Variants in ZNF704 observed in about 807,000 individuals in gnomAD.
ZNF704 encodes the protein glucocorticoid induced gene 1.
ZNF704 carries 10 observed loss-of-function variants against 44.7 expected under a neutral mutation model. The ratio of observed to expected loss-of-function variants is 0.22; its 90% confidence interval spans 0.14 to 0.38. ZNF704 has a LOEUF of 0.38. Ranked by LOEUF, ZNF704 falls within the 10% of genes least tolerant of loss-of-function variation. The pLI is 1.00. For missense variants in ZNF704, 390 were observed against 545.5 expected, an observed-to-expected ratio of 0.71 and a Z score of 2.84; for synonymous variants, 211 against 207.6, an observed-to-expected ratio of 1.02 and a Z score of -0.14.
chr8:80,871,562 A>G (rs949354250), intron 1 of ZNF704, among the ~76,000 whole-genome samples: 9 of 152,228 alleles, frequency 5.9e-5, no homozygotes, highest in Non-Finnish European at 1.0e-4. Flanking sequence ...TTATGCATGT[A>G]CATCTGCATC....
chr8:80,802,266 G>T (rs1457344285), intron 2 of ZNF704, among the ~76,000 whole-genome samples: 1 of 149,572 alleles, frequency 6.7e-6, no homozygotes, highest in Non-Finnish European at 1.5e-5. Context: ...ACAAAGAAGA[G>T]CTGGTACTAT....
chr8:80,650,267 A>G (rs920303384), intron 7 of ZNF704, among the ~76,000 whole-genome samples: 2 of 152,206 alleles, frequency 1.3e-5, no homozygotes, highest in Non-Finnish European at 2.9e-5. Flanking sequence ...TCCTCCTCCA[A>G]AGGAACGCAG....
At chr8:80,831,354 G>C (rs778561046) in intron 1 of ZNF704, among the ~76,000 whole-genome samples, 4 of 152,118 alleles carry the variant, frequency 2.6e-5, no homozygotes, top group African/African-American at 9.7e-5. Flanking sequence ...TGTCCAAATA[G>C]GGTGCTTTTA....
intron 2 of ZNF704, among the ~76,000 whole-genome samples, chr8:80,701,457 A>C (rs992420102): frequency 1.3e-4 from 20 of 151,694 alleles, no homozygotes; most frequent in African/African-American, 4.8e-4. Flanking sequence ...TTCTTGCTTC[A>C]GTCTCGCAGG....
In ZNF704 at chr8:80,643,028, G is replaced by A; in HGVS notation, c.1127+7C>T. 1 of 1,568,548 alleles carries A rather than the reference G, an allele frequency of 6.4e-7. No individual in the cohort carries two copies. The highest frequency in any genetic ancestry group is 8.7e-7 in the Non-Finnish European group (1 of 1,154,418). ...TGAGGTGTGTGGAGTTTTTTAAGCT[G>A]TCGTACCTTAAGCTGACTGTGCCTC... On this transcript the variant is annotated splice_region_variant and intron_variant, in intron 8 of 8. Transcript: ENST00000327835.
intron 1 of ZNF704, among the ~76,000 whole-genome samples, chr8:80,850,575 A>G (rs1231484536): frequency 2.0e-5 from 3 of 151,896 alleles, no homozygotes; most frequent in Non-Finnish European, 4.4e-5. Context: ...TGCACTCACT[A>G]TATGCTTTTT....
intron 2 of ZNF704, among the ~76,000 whole-genome samples, chr8:80,736,157 A>C (rs1209860738): frequency 6.6e-6 from 1 of 152,264 alleles, no homozygotes; most frequent in Non-Finnish European, 1.5e-5. Context: ...ACAGTTTTTG[A>C]ATCTCTTTTG....
chr8:80,739,249 G>A (rs1029846319), intron 2 of ZNF704, among the ~76,000 whole-genome samples: 3 of 152,130 alleles, frequency 2.0e-5, no homozygotes, highest in South Asian at 2.1e-4. Flanking sequence ...ATAGTCTTTC[G>A]AGCAATCTCT....
At chr8:80,772,025 C>T (rs1195472978) in intron 2 of ZNF704, among the ~76,000 whole-genome samples, 1 of 152,128 alleles carries the variant, frequency 6.6e-6, no homozygotes, top group Non-Finnish European at 1.5e-5. Flanking sequence ...GTGATTTTTG[C>T]TACAATGATT....
chr8:80,643,094 C>G lies in ZNF704; in HGVS notation c.1068G>C (p.Glu356Asp). 1.2e-6 allele frequency: 2 copies of G among 1,606,058 alleles called. No individual in the cohort carries two copies. The highest frequency in any genetic ancestry group is 1.7e-6 in the Non-Finnish European group (2 of 1,176,330). ...SPTHHPVGTGEQRQHAHTVLS... is the reference protein window; with the variant it reads ...SPTHHPVGTGDQRQHAHTVLS... ...GGACCGTGTGCGCATGCTGTCTCTG[C>G]TCTCCTGTGCCCACCGGATGATGTG... The change falls in exon 8 of 9, where the codon GAG becomes GAC. Residue 356 changes from glutamate (E) to aspartate (D), a missense_variant. Transcript: ENST00000327835.
chr8:80,821,723 T>C lies in ZNF704; in HGVS notation c.-21-108A>G. 1.8e-5 allele frequency: 14 copies of C among 778,034 alleles called. No homozygotes were observed. The South Asian group carries it at 1.9e-4, about 11-fold the overall frequency. The allele number at this position is 778,034 out of a possible 1,614,324, so 48.2% of individuals were successfully genotyped here. A position where few individuals can be genotyped will look rare whatever the true frequency, so the allele number is the denominator to read the frequency against. On this transcript the variant is annotated intron_variant, in intron 1 of 8. Transcript: ENST00000327835. Reference sequence around the variant, plus strand: ...ACAGACACTGTCCTTCCTGTTCATCTGAAAGATTGTATAATTTTAATAAGA... The same window carrying C: ...ACAGACACTGTCCTTCCTGTTCATCCGAAAGATTGTATAATTTTAATAAGA...
intron 2 of ZNF704, among the ~76,000 whole-genome samples, chr8:80,773,136 A>G (rs1402069250): frequency 6.6e-6 from 1 of 152,196 alleles, no homozygotes; most frequent in Non-Finnish European, 1.5e-5. Flanking sequence ...TAACTCTGTT[A>G]AATCTTCTGA....
intron 1 of ZNF704, among the ~76,000 whole-genome samples, chr8:80,833,668 T>C (rs1192598083): frequency 6.6e-6 from 1 of 152,194 alleles, no homozygotes; most frequent in East Asian, 1.9e-4. Context: ...ATACATTATT[T>C]TTCTATACCA....
chr8:80,768,077 G>C (rs1259614772), intron 2 of ZNF704, among the ~76,000 whole-genome samples: 1 of 152,136 alleles, frequency 6.6e-6, no homozygotes, highest in Non-Finnish European at 1.5e-5. Context: ...TGCAACACAA[G>C]CTTTGAGTGT....
At chr8:80,721,564 A>G (rs922051982) in intron 2 of ZNF704, among the ~76,000 whole-genome samples, 1 of 152,220 alleles carries the variant, frequency 6.6e-6, no homozygotes, top group African/African-American at 2.4e-5. Context: ...AGAAATATGT[A>G]AAATTTGGTT....
chr8:80,822,370 T>C (rs1225452659), intron 1 of ZNF704, among the ~76,000 whole-genome samples: 1 of 151,654 alleles, frequency 6.6e-6, no homozygotes, highest in Admixed American at 6.6e-5. Context: ...GAACATGTGA[T>C]GAACTCATCC....
the ZNF704 span, among the ~76,000 whole-genome samples, chr8:80,883,669 A>G: frequency 6.6e-6 from 1 of 152,256 alleles, no homozygotes; most frequent in Non-Finnish European, 1.5e-5. Context: ...AATTTAAAAA[A>G]GAAAAATCAC....
chr8:80,648,292 T>A (rs1383918301), intron 7 of ZNF704, among the ~76,000 whole-genome samples: 1 of 152,232 alleles, frequency 6.6e-6, no homozygotes, highest in South Asian at 2.1e-4. Flanking sequence ...TTCCTGCTAA[T>A]GGCTCTCTTA....
intron 1 of ZNF704, among the ~76,000 whole-genome samples, chr8:80,842,886 G>C (rs935671106): frequency 6.6e-6 from 1 of 152,164 alleles, no homozygotes; most frequent in Non-Finnish European, 1.5e-5. Context: ...TTCAGCAACA[G>C]CAGCAATCTT....
Sources: allele counts gnomAD v4.1 joint callset (sites outside exome capture counted in the v4.1 genomes callset), GRCh38; gene constraint gnomAD v4.1.1; transcripts MANE v1.5; gene names NCBI Gene and HGNC (gene_info 2026-07-23, HGNC 2026-07-21).